SCN2A: variants seen among roughly 807,000 people sequenced by gnomAD.
SCN2A encodes sodium channel protein type 2 subunit alpha.
In SCN2A, 20 loss-of-function variants were observed where a neutral mutation model predicts 188.7. The observed-to-expected ratio is 0.11, with a 90% CI of 0.07 to 0.15. The LOEUF (loss-of-function observed/expected upper bound fraction) is 0.15, where lower values mean the gene tolerates loss of function less well. Ranked by LOEUF, SCN2A falls within the 10% of genes least tolerant of loss-of-function variation. The pLI is 1.00. For missense variants in SCN2A, 1,278 were observed against 2,445.0 expected, an observed-to-expected ratio of 0.52 and a Z score of 10.07; for synonymous variants, 804 against 833.1, an observed-to-expected ratio of 0.97 and a Z score of 0.60.
At chr2:165,320,142 A>C (rs957399557) in intron 11 of SCN2A, 4 of 152,276 alleles carry the variant, frequency 2.6e-5, no homozygotes, top group African/African-American at 9.6e-5. Context: ...TGGCCAAAAC[A>C]AAGGGGCTAC....
intron 14 of SCN2A, 34 bp from the exon 15 acceptor site, chr2:165,342,261 AT>A (rs1214744958): frequency 6.4e-7 from 1 of 1,565,472 alleles, no homozygotes; most frequent in Non-Finnish European, 8.8e-7. Flanking sequence ...TTTCAAGAGT[AT>A]TTGCTCATAT....
chr2:165,239,710 T>C, intron 1 of SCN2A, 70 bp downstream of exon 1: 1 of 682,006 alleles, frequency 1.5e-6, no homozygotes, highest in Non-Finnish European at 1.8e-6. Context: ...ACATTTAATA[T>C]AAGATGTGTG....
rs1559397709 is a variant in SCN2A, at chr2:165,373,219, G to T, written c.3850-6G>T. The T allele has an allele frequency of 2.5e-6, 4 of 1,613,072 alleles. No homozygotes were observed. The highest frequency in any genetic ancestry group is 1.7e-5 in the Admixed American group (1 of 59,980). On this transcript the variant is annotated splice_region_variant and splice_polypyrimidine_tract_variant and intron_variant, in intron 20 of 26. Coordinates refer to ENST00000375437, the MANE Select transcript of SCN2A (RefSeq NM_001040142.2). The stretch of plus-strand genomic sequence containing the variant: ...ATAAGAAAATTGTGTTGCTTTTTCT[G>T]TATAGGTCTCACTGGTTAGCTTAAC...
At chr2:165,312,730 A>G (rs912706115) in intron 8 of SCN2A, among the ~76,000 whole-genome samples, 2 of 152,134 alleles carry the variant, frequency 1.3e-5, no homozygotes, top group Non-Finnish European at 1.5e-5. Context: ...ATTAAGAAAC[A>G]TGGAGCTAAA....
chr2:165,245,757 T>C (rs1446277254), intron 1 of SCN2A, among the ~76,000 whole-genome samples: 1 of 152,186 alleles, frequency 6.6e-6, no homozygotes, highest in Non-Finnish European at 1.5e-5. Flanking sequence ...TGGTTCCAGG[T>C]AAACTGGGAT....
At chr2:165,368,995 G>A (rs889611927) in intron 19 of SCN2A, among the ~76,000 whole-genome samples, 10 of 151,606 alleles carry the variant, frequency 6.6e-5, no homozygotes, top group African/African-American at 2.4e-4. Flanking sequence ...GTGTGATCTC[G>A]ACTCACTGCA....
In SCN2A at chr2:165,310,586, G is replaced by A. The variant is rs781598295; in HGVS notation, c.961G>A (p.Glu321Lys). The change falls in exon 7 of 27, where the codon GAG becomes AAG. Residue 321 changes from glutamate (E) to lysine (K), a missense_variant. Glu to Lys is a moderately conservative substitution (Grantham distance 56, BLOSUM62 1). Around this residue, in one of 17 missense-constraint regions of SCN2A, gnomAD observed 45 missense variants for 58.1 expected, o/e 0.77. Coordinates refer to ENST00000375437, the MANE Select transcript of SCN2A (RefSeq NM_001040142.2). ...CATATTTAACTGGGATGAATATATT[G>A]AGGATAAAAGTAAGATATACTCTAT... Reference protein sequence around the residue: ...VSIFNWDEYIEDKSHFYFLEG... With the variant: ...VSIFNWDEYIKDKSHFYFLEG... 3 of 1,609,678 alleles carry A rather than the reference G, an allele frequency of 1.9e-6. No homozygotes were observed. Among genetic ancestry groups the A allele is most frequent in the Non-Finnish European group, 8.5e-7 (1 of 1,176,734 alleles).
intron 2 of SCN2A, 69 bp from the exon 3 acceptor site, chr2:165,296,948 A>G: frequency 2.4e-6 from 2 of 831,878 alleles, no homozygotes; most frequent in Non-Finnish European, 4.0e-6. Context: ...TAATGGTTTT[A>G]CTTTTCTCTT....
chr2:165,325,570 G>A (rs1240216073), intron 12 of SCN2A, among the ~76,000 whole-genome samples: 1 of 152,046 alleles, frequency 6.6e-6, no homozygotes, highest in Non-Finnish European at 1.5e-5. Context: ...GACAAATCTA[G>A]GTTTGTACAT....
chr2:165,270,308 A>C (rs1358215055), intron 1 of SCN2A: 2 of 152,016 alleles, frequency 1.3e-5, no homozygotes. Context: ...CTTAACAGTA[A>C]ATTTCAAACA....
chr2:165,244,025 TG>T (rs1254146124), intron 1 of SCN2A, among the ~76,000 whole-genome samples: 2 of 152,112 alleles, frequency 1.3e-5, no homozygotes, highest in Non-Finnish European at 2.9e-5. Context: ...GCAGATCACC[TG>T]AGGTCAGGAG....
At chr2:165,292,147 A>G (rs1696246895) in intron 1 of SCN2A, among the ~76,000 whole-genome samples, 1 of 152,174 alleles carries the variant, frequency 6.6e-6, no homozygotes, top group Non-Finnish European at 1.5e-5. Flanking sequence ...CATATGCCTA[A>G]GACTAGCCCT....
chr2:165,357,655 G>GT (rs984492142), intron 17 of SCN2A, among the ~76,000 whole-genome samples: 1 of 152,056 alleles, frequency 6.6e-6, no homozygotes, highest in African/African-American at 2.4e-5. Flanking sequence ...TTGAATGATT[G>GT]TTTTTTCTTT....
At chr2:165,334,925 A>T (rs572426949) in intron 14 of SCN2A, among the ~76,000 whole-genome samples, 1 of 151,830 alleles carries the variant, frequency 6.6e-6, no homozygotes, top group Non-Finnish European at 1.5e-5. Flanking sequence ...GCAGAATACA[A>T]GATCAATATA....
Position 165,314,021 on chromosome 2 carries a change from T to C in SCN2A, c.1296T>C (p.Asn432=). The C allele has an allele frequency of 1.2e-6, 2 of 1,613,826 alleles. No individual in the cohort carries two copies. Among genetic ancestry groups the C allele is most frequent in the Non-Finnish European group, 1.7e-6 (2 of 1,179,780 alleles). The change falls in exon 10 of 27, where the codon AAT becomes AAC. Residue 432 remains asparagine (N), a synonymous_variant. Transcript: ENST00000375437. Reference sequence around the variant, plus strand: ...TGGCCATGGCCTATGAGGAACAGAATCAGGCCACATTGGAAGAGGCTGAAC... The same window carrying C: ...TGGCCATGGCCTATGAGGAACAGAACCAGGCCACATTGGAAGAGGCTGAAC... ...AVVAMAYEEQ[N]QATLEEAEQK... is the part of the protein sequence containing the mutation.
intron 22 of SCN2A, among the ~76,000 whole-genome samples, chr2:165,377,118 A>T (rs1003366700): frequency 2.0e-5 from 3 of 152,020 alleles, no homozygotes; most frequent in Non-Finnish European, 4.4e-5. Flanking sequence ...TAGTATGATC[A>T]ACAATATTAA....
intron 22 of SCN2A, among the ~76,000 whole-genome samples, chr2:165,376,262 A>G (rs1558876014): frequency 6.6e-6 from 1 of 151,500 alleles, no homozygotes; most frequent in African/African-American, 2.4e-5. Flanking sequence ...GCCATTTCAC[A>G]ATATATATAT....
In SCN2A at chr2:165,278,017, A is replaced by G. The variant is rs116876152; in HGVS notation, c.-51-17756A>G. Among the ~76,000 whole-genome samples the G allele has an allele frequency of 4.5e-3, 686 of 152,304 alleles. 6 individuals are homozygous for G. The East Asian group carries it at 0.059, about 13-fold the overall frequency. On this transcript the variant is annotated intron_variant, in intron 1 of 26. Transcript: ENST00000375437. ...GAAAAACAAATGTTCTTAAGCTTGAAAAAGTGAAAGTGTGTACCCAGCTGG... is the reference window on the plus strand; with the variant it reads ...GAAAAACAAATGTTCTTAAGCTTGAGAAAGTGAAAGTGTGTACCCAGCTGG...
intron 1 of SCN2A, among the ~76,000 whole-genome samples, chr2:165,276,390 C>T (rs370465377): frequency 1.1e-4 from 16 of 149,382 alleles, no homozygotes; most frequent in Middle Eastern, 3.4e-3. Context: ...TCCAAGGTAA[C>T]TAATTTTAAT....
Sources: gnomAD v4.1 joint callset for allele counts (sites outside exome capture counted in the v4.1 genomes callset) on GRCh38, gnomAD v4.1.1 for gene constraint, gnomAD v4.1.1 regional missense constraint, MANE v1.5 for transcripts, NCBI Gene and HGNC (gene_info 2026-07-23, HGNC 2026-07-21) for gene names.